PLA2R1: variants seen among roughly 807,000 people sequenced by gnomAD.
PLA2R1 encodes phospholipase A2 receptor 1.
In PLA2R1, 158 loss-of-function variants were observed where a neutral mutation model predicts 195.9. The ratio of observed to expected loss-of-function variants is 0.81; its 90% confidence interval spans 0.71 to 0.92. PLA2R1 has a LOEUF of 0.92. PLA2R1 is among the 40% of genes least tolerant of loss of function. PLA2R1 has a pLI of 0.00. For missense variants in PLA2R1, 1,626 were observed against 1,764.6 expected (o/e 0.92, Z 1.41); for synonymous variants, 586 against 598.2 (o/e 0.98, Z 0.30).
chr2:160,028,839 A>T lies in PLA2R1; in HGVS notation c.955+11T>A. 1 of 1,547,886 alleles carries T rather than the reference A, an allele frequency of 6.5e-7. No individual in the cohort carries two copies. The highest frequency in any genetic ancestry group is 8.9e-7 in the Non-Finnish European group (1 of 1,118,580). On this transcript the variant is annotated intron_variant, in intron 5 of 29. Coordinates refer to ENST00000283243, the MANE Select transcript of PLA2R1 (RefSeq NM_007366.5). The stretch of plus-strand genomic sequence containing the variant: ...GCCACGTGACGAAGGCAAAGAAAAC[A>T]CTGCGGGTACCTGGGCTCCAATTCA...
chr2:160,055,060 C>T (rs1695449045), intron 1 of PLA2R1, among the ~76,000 whole-genome samples: 1 of 152,098 alleles, frequency 6.6e-6, no homozygotes, highest in Non-Finnish European at 1.5e-5. Context: ...CTGTGTGGCC[C>T]CATCTTTCCT....
rs1686910426 is a variant in PLA2R1 at position 159,937,939 on chromosome 2, G to T, written c.*3839C>A. On this transcript the variant is annotated 3_prime_UTR_variant, in exon 30 of 30. Transcript: ENST00000283243. ...TGGAGCCATGGAGGATTTTCCCATA[G>T]TAAGATCTGAAATGAAAGCCATTTC... is the stretch of plus-strand genomic sequence containing the variant. The T allele has an allele frequency of 6.6e-6, 1 of 152,196 alleles. No homozygotes were observed. The highest frequency in any genetic ancestry group is 1.5e-5 in the Non-Finnish European group (1 of 68,042). The allele number at this position is 152,196 out of a possible 1,614,324, so 9.4% of individuals were successfully genotyped here. A position where few individuals can be genotyped will look rare whatever the true frequency, so the allele number is the denominator to read the frequency against.
At chr2:159,968,642 T>C (rs1216913044) in intron 19 of PLA2R1, among the ~76,000 whole-genome samples, 2 of 152,218 alleles carry the variant, frequency 1.3e-5, no homozygotes, top group African/African-American at 2.4e-5. Context: ...GTAATGGGTA[T>C]CATTATCTTT....
chr2:160,040,511 T>G (rs752706695), intron 3 of PLA2R1, among the ~76,000 whole-genome samples: 4 of 152,202 alleles, frequency 2.6e-5, no homozygotes, highest in Admixed American at 6.5e-5. Flanking sequence ...CGGGGTCACC[T>G]GGGGCACTTT....
At chr2:159,971,420 A>G (rs1689169048) in intron 17 of PLA2R1, among the ~76,000 whole-genome samples, 1 of 152,220 alleles carries the variant, frequency 6.6e-6, no homozygotes, top group Non-Finnish European at 1.5e-5. Context: ...ACCTAAGTAC[A>G]ATAAAGTATA....
At chr2:160,024,325 G>T (rs998180789) in intron 6 of PLA2R1, among the ~76,000 whole-genome samples, 1 of 152,104 alleles carries the variant, frequency 6.6e-6, no homozygotes, top group African/African-American at 2.4e-5. Flanking sequence ...ACCTGGTGTG[G>T]CCAAGTTGCC....
chr2:160,024,295 T>G (rs1693356849), intron 6 of PLA2R1, among the ~76,000 whole-genome samples: 2 of 152,282 alleles, frequency 1.3e-5, no homozygotes, highest in East Asian at 1.9e-4. Flanking sequence ...CATGCCAAGC[T>G]GCTGTGGGGC....
At chr2:159,982,081 T>G (rs1351079601) in intron 13 of PLA2R1, among the ~76,000 whole-genome samples, 1 of 152,172 alleles carries the variant, frequency 6.6e-6, no homozygotes, top group Non-Finnish European at 1.5e-5. Context: ...ACAGTGACAT[T>G]TGATCTTAAA....
intron 9 of PLA2R1, among the ~76,000 whole-genome samples, chr2:160,013,709 C>CTGTGTGTG (rs1558927335): frequency 4.6e-4 from 31 of 67,518 alleles, no homozygotes; most frequent in African/African-American, 1.5e-3. Context: ...CTCTGTCTCT[C>CTGTGTGTG]TCTCTCTCTC....
At chr2:160,030,660 G>C (rs1047003042) in intron 4 of PLA2R1, among the ~76,000 whole-genome samples, 1 of 152,100 alleles carries the variant, frequency 6.6e-6, no homozygotes, top group Non-Finnish European at 1.5e-5. Context: ...TAAGAAACTC[G>C]AATTTAAATT....
chr2:159,946,395 A>C (rs771383594), intron 27 of PLA2R1: 4 of 986,232 alleles, frequency 4.1e-6, no homozygotes, highest in Middle Eastern at 5.1e-4. Flanking sequence ...TTTTATGAGT[A>C]GCAAATAAGA....
intron 11 of PLA2R1, among the ~76,000 whole-genome samples, chr2:159,988,773 T>C (rs1198296777): frequency 6.6e-6 from 1 of 152,180 alleles, no homozygotes; most frequent in Non-Finnish European, 1.5e-5. Flanking sequence ...GTACCTGGCA[T>C]TGTGCTTGTC....
chr2:160,048,138 T>G (rs151099770), intron 1 of PLA2R1, among the ~76,000 whole-genome samples: 183 of 152,314 alleles, frequency 1.2e-3, no homozygotes, highest in Non-Finnish European at 2.3e-3. Context: ...TGGCCAATAA[T>G]GCTTTTAAAC....
Position 159,947,472 on chromosome 2 carries a change from G to C in PLA2R1, c.3797C>G (p.Thr1266Arg), listed in dbSNP as rs1428449458. Residue 1266 changes from threonine (T) to arginine (R), a missense_variant, in exon 26 of 30, where the codon ACA becomes AGA. Coordinates refer to ENST00000283243, the MANE Select transcript of PLA2R1 (RefSeq NM_007366.5). ...KFKSNCYSFSTVLDSMSFEAA... is the reference protein window; with the variant it reads ...KFKSNCYSFSRVLDSMSFEAA... ...CTCAAAACTCATACTGTCTAGGACT[G>C]TAGAAAAACTGTAGCAATTACTTTT... 1 of 1,613,152 alleles carries C rather than the reference G, an allele frequency of 6.2e-7. No homozygotes were observed.
At position 159,956,509 on chromosome 2, in the gene PLA2R1, C is replaced by T; in HGVS notation, c.3022+1G>A. The T allele has an allele frequency of 6.4e-7, 1 of 1,556,750 alleles. No individual in the cohort carries two copies. Among genetic ancestry groups the T allele is most frequent in the Non-Finnish European group, 8.9e-7 (1 of 1,127,538 alleles). On this transcript the variant is annotated splice_donor_variant, in intron 21 of 29. Transcript: ENST00000283243. LOFTEE classifies it high-confidence loss of function. ...GCCTGGTTGGATCTTGAGTACTCTA[C>T]CTTGCTCCACCTCACTTTCAATGGC...
At chr2:160,022,136 T>G (rs971695736) in intron 7 of PLA2R1, among the ~76,000 whole-genome samples, 5 of 152,142 alleles carry the variant, frequency 3.3e-5, no homozygotes, top group African/African-American at 1.2e-4. Context: ...TAAGTCTATG[T>G]CAAATACATG....
rs1169029123 is a variant in PLA2R1, at chr2:159,935,063, T to A, written c.*6715A>T. ...TCCCTCAACTTGGATTTGTCTAATGTTTTTTCATGATTGAGATTATGCATT... is the reference window on the plus strand; with the variant it reads ...TCCCTCAACTTGGATTTGTCTAATGATTTTTCATGATTGAGATTATGCATT... On this transcript the variant is annotated 3_prime_UTR_variant, in exon 30 of 30. Coordinates refer to ENST00000283243, the MANE Select transcript of PLA2R1 (RefSeq NM_007366.5). 6.6e-6 allele frequency: 1 copy of A among 152,198 alleles called. No individual in the cohort carries two copies. The highest frequency in any genetic ancestry group is 1.5e-5 in the Non-Finnish European group (1 of 68,040). 9.4% of individuals were successfully genotyped at this position (152,198 alleles called of 1,614,324 possible). A position where few individuals can be genotyped will look rare whatever the true frequency, so the allele number is the denominator to read the frequency against.
intron 20 of PLA2R1, among the ~76,000 whole-genome samples, chr2:159,960,888 G>A (rs1688392745): frequency 6.6e-6 from 1 of 152,012 alleles, no homozygotes; most frequent in Admixed American, 6.6e-5. Flanking sequence ...CAAACAATAA[G>A]CAAAGTTTAA....
intron 11 of PLA2R1, among the ~76,000 whole-genome samples, chr2:160,004,487 C>T (rs1430272190): frequency 6.6e-6 from 1 of 152,094 alleles, no homozygotes; most frequent in East Asian, 1.9e-4. Context: ...GGGAGATATA[C>T]CTCCCCCTGT....
Sources: allele counts gnomAD v4.1 joint callset (sites outside exome capture counted in the v4.1 genomes callset), GRCh38; gene constraint gnomAD v4.1.1; transcripts MANE v1.5; gene names NCBI Gene and HGNC (gene_info 2026-07-23, HGNC 2026-07-21).